EP400: variants seen among roughly 807,000 people sequenced by gnomAD.
EP400 encodes the protein E1A binding protein p400.
Under a neutral mutation model 354.1 loss-of-function variants are expected in EP400, and 105 were observed. The observed-to-expected ratio is 0.30, with a 90% CI of 0.25 to 0.35. EP400 has a LOEUF of 0.35. Among genes scored for constraint, EP400 ranks in the 10% least tolerant of loss-of-function variants. The pLI, the probability that EP400 is intolerant of heterozygous loss-of-function variation, is 1.00. For synonymous variants in EP400, 1,646 were observed against 1,716.9 expected, an observed-to-expected ratio of 0.96 and a Z score of 1.02; for missense variants, 3,280 against 4,121.0, an observed-to-expected ratio of 0.80 and a Z score of 5.59.
rs1491012443 is a variant in EP400, at chr12:132,062,580, AGC to A, written c.8214_8215del (p.Gln2739AlafsTer243). 6.2e-7 allele frequency: 1 copy of A among 1,606,846 alleles called. No homozygotes were observed. ...CAGCAGCAGCAGCAGCAGCAGCAGC[AGC>A]AGCAGCAGCAACAGCAGCAGCAGCA... On this transcript the variant is annotated frameshift_variant, in exon 47 of 53. Transcript: ENST00000389561. LOFTEE classifies it high-confidence loss of function.
chr12:131,993,077 A>G (rs540392241), intron 11 of EP400, among the ~76,000 whole-genome samples: 212 of 152,352 alleles, frequency 1.4e-3, no homozygotes, highest in African/African-American at 5.0e-3. Context: ...CTGAGGGCAC[A>G]TGGCCCAGGA....
intron 12 of EP400, among the ~76,000 whole-genome samples, chr12:131,995,925 T>C (rs1893196757): frequency 6.6e-6 from 1 of 151,588 alleles, no homozygotes; most frequent in Non-Finnish European, 1.5e-5. Flanking sequence ...GTGTGAGAAC[T>C]TCATACGAAC....
At position 131,960,965 on chromosome 12, in the gene EP400, G is replaced by A. The variant is rs1891861067; in HGVS notation, c.346G>A (p.Gly116Arg). The A allele has an allele frequency of 6.2e-7, 1 of 1,610,304 alleles. No individual in the cohort carries two copies. ...CGCTCAGCCTCGGCGGTTTGAGCAT[G>A]GGTCTCCATCATACATTCAGGTCAC... is the stretch of plus-strand genomic sequence containing the variant. ...FSAQPRRFEH[G>R]SPSYIQVTSP... is the part of the protein sequence containing the mutation. Residue 116 changes from glycine to arginine, a missense_variant, in exon 2 of 53, where the codon GGG becomes AGG. Physicochemically the swap from Gly to Arg is moderately radical, Grantham distance 125 (BLOSUM62 -2). Transcript: ENST00000389561.
intron 1 of EP400, among the ~76,000 whole-genome samples, chr12:131,951,054 C>G (rs1238151790): frequency 6.6e-6 from 1 of 151,184 alleles, no homozygotes; most frequent in African/African-American, 2.4e-5. Context: ...CGCCTGCCAC[C>G]ACGCCTGGCT....
Position 131,994,955 on chromosome 12 carries a change from A to G in EP400, c.2826A>G (p.Glu942=), listed in dbSNP as rs757691693. 1 of 1,613,804 alleles carries G rather than the reference A, an allele frequency of 6.2e-7. No homozygotes were observed. Among genetic ancestry groups the G allele is most frequent in the Non-Finnish European group, 8.5e-7 (1 of 1,179,766 alleles). The change falls in exon 12 of 53, where the codon GAA becomes GAG. Residue 942 remains glutamate (E), a splice_region_variant and synonymous_variant. Transcript: ENST00000389561. The surrounding 1 kb of genome is among the most constrained non-coding windows in gnomAD (Gnocchi z 4.6). The part of the protein sequence containing the change: ...HQTELSNLAK[E]AELPLLDLMK... ...CAGAACTTTCTAATTTAGCCAAGGAAGGTAGGCTGTTGCTACCTTATTAAA... is the reference window on the plus strand; with the variant it reads ...CAGAACTTTCTAATTTAGCCAAGGAGGGTAGGCTGTTGCTACCTTATTAAA...
At chr12:131,987,270 A>G (rs1026251160) in intron 6 of EP400, among the ~76,000 whole-genome samples, 3 of 152,238 alleles carry the variant, frequency 2.0e-5, no homozygotes, top group South Asian at 2.1e-4. Context: ...ATAGAGTGTC[A>G]TAAACCCCAT....
chr12:132,061,910 T>C (rs904064647), intron 45 of EP400, among the ~76,000 whole-genome samples, 200 bp from the exon 46 acceptor site: 1 of 151,624 alleles, frequency 6.6e-6, no homozygotes, highest in Non-Finnish European at 1.5e-5. Context: ...TGATGTGATC[T>C]GCTGGGAGAA....
At position 131,991,866 on chromosome 12, in the gene EP400, C is replaced by T. The variant is rs565395551; in HGVS notation, c.2680-307C>T. On this transcript the variant is annotated intron_variant, in intron 10 of 52. Coordinates refer to ENST00000389561, the MANE Select transcript of EP400 (RefSeq NM_015409.5). ...CCTCCCAAAGTGCTAGGATTACAGG[C>T]GTGAGCTACCGTGCCCCGCCTATTA... Among the ~76,000 whole-genome samples the T allele has an allele frequency of 7.2e-5, 11 of 152,280 alleles. No individual in the cohort carries two copies. The East Asian group carries it at 7.7e-4, about 11-fold the overall frequency.
chr12:132,029,750 G>A lies in EP400; in HGVS notation c.5431G>A (p.Val1811Met). Residue 1811 changes from valine (V) to methionine (M), a missense_variant, in exon 28 of 53, where the codon GTG becomes ATG. Around this residue, in one of 20 missense-constraint regions of EP400, gnomAD observed 459 missense variants for 496.9 expected, o/e 0.92. Transcript: ENST00000389561. This position sits in a 1 kb window ranked among gnomAD's most constrained non-coding sequence, Gnocchi z 4.7. ...GGTGGCAGCACCCCCGTCCCTACGG[G>A]TGCCGCGGCCGCCACCCCTGTACAG... is the stretch of plus-strand genomic sequence containing the variant. Reference protein sequence around the residue: ...PVVAAPPSLRVPRPPPLYSHR... With the variant: ...PVVAAPPSLRMPRPPPLYSHR... 6.2e-7 allele frequency: 1 copy of A among 1,613,336 alleles called. No individual in the cohort carries two copies. The highest frequency in any genetic ancestry group is 8.5e-7 in the Non-Finnish European group (1 of 1,180,022).
In EP400 at chr12:132,053,578, G is replaced by T; in HGVS notation, c.7709G>T (p.Gly2570Val). 6.4e-7 allele frequency: 1 copy of T among 1,564,596 alleles called. No individual in the cohort carries two copies. Among genetic ancestry groups the T allele is most frequent in the South Asian group, 1.2e-5 (1 of 86,826 alleles). ...AAGGCGCAGCCCGCAATCACGACGG[G>T]GGGCAGTGCAGCCGTACTGGTGAGC... Reference protein sequence around the residue: ...PAKAQPAITTGGSAAVLAGTI... With the variant: ...PAKAQPAITTVGSAAVLAGTI... The change falls in exon 43 of 53, where the codon GGG (glycine) becomes GTG (valine). Residue 2570 changes from glycine (G) to valine (V), a missense_variant. Gly to Val is a moderately radical substitution (Grantham distance 109, BLOSUM62 -3). Around this residue, in one of 20 missense-constraint regions of EP400, gnomAD observed 255 missense variants for 295.9 expected, o/e 0.86. Coordinates refer to ENST00000389561, the MANE Select transcript of EP400 (RefSeq NM_015409.5).
intron 5 of EP400, 110 bp from the exon 6 acceptor site, chr12:131,986,404 A>G (rs917949523): frequency 9.8e-7 from 1 of 1,025,080 alleles, no homozygotes; most frequent in Non-Finnish European, 1.4e-6. Flanking sequence ...GTGGAGCGGA[A>G]GGTGCTGGCA....
chr12:131,960,544 T>G, intron 1 of EP400, 41 bp from the exon 2 acceptor site: 3 of 1,489,600 alleles, frequency 2.0e-6, no homozygotes, highest in South Asian at 1.3e-5. Flanking sequence ...AAAACAGTTA[T>G]GTGTGCCTTC....
intron 12 of EP400, among the ~76,000 whole-genome samples, chr12:132,001,263 T>C (rs1893402045): frequency 6.6e-6 from 1 of 151,996 alleles, no homozygotes; most frequent in Non-Finnish European, 1.5e-5. Context: ...GGGTAAATAG[T>C]GTGAGTCATC....
chr12:132,018,290 A>G lies in EP400; in HGVS notation c.4191A>G (p.Lys1397=), dbSNP rs756866182. The change falls in exon 21 of 53, where the codon AAA becomes AAG. Residue 1397 remains lysine, a synonymous_variant. Transcript: ENST00000389561. This position sits in a 1 kb window ranked among gnomAD's most constrained non-coding sequence, Gnocchi z 4.0. ...TRHEAELLSK[K]KIPRKLMEEI... ...ACGAGGCAGAGTTGCTGTCTAAGAAAAAGATACCGCGGAAACTCATGGAGG... is the reference window on the plus strand; with the variant it reads ...ACGAGGCAGAGTTGCTGTCTAAGAAGAAGATACCGCGGAAACTCATGGAGG... 3.7e-6 allele frequency: 6 copies of G among 1,613,782 alleles called. No individual in the cohort carries two copies. The African/African-American group carries it at 5.3e-5, about 14-fold the overall frequency.
In EP400 at chr12:132,027,301, T is replaced by C. The variant is rs558176922; in HGVS notation, c.5015-136T>C. 355 of 826,066 alleles carry C rather than the reference T, an allele frequency of 4.3e-4. No homozygotes were observed. The highest frequency in any genetic ancestry group is 6.7e-4 in the Non-Finnish European group (330 of 495,474). The allele number at this position is 826,066 out of a possible 1,614,324, so 51.2% of individuals were successfully genotyped here. A position where few individuals can be genotyped will look rare whatever the true frequency, so the allele number is the denominator to read the frequency against. Reference sequence around the variant, plus strand: ...GCATGTGCTGGTGGAGGATGAGGACTTGGGGACATGCCGTTGCAGAATGAC... The same window carrying C: ...GCATGTGCTGGTGGAGGATGAGGACCTGGGGACATGCCGTTGCAGAATGAC... On this transcript the variant is annotated intron_variant, in intron 25 of 52. Transcript: ENST00000389561. This position sits in a 1 kb window ranked among gnomAD's most constrained non-coding sequence, Gnocchi z 4.9.
intron 29 of EP400, among the ~76,000 whole-genome samples, chr12:132,031,543 C>G (rs890777373): frequency 6.6e-6 from 1 of 152,092 alleles, no homozygotes; most frequent in Non-Finnish European, 1.5e-5. Context: ...GGAATACAAA[C>G]CAAGCAGTTT....
rs377249323 is a variant in EP400 at position 131,991,436 on chromosome 12, G to A, written c.2659G>A (p.Ala887Thr). Reference protein sequence around the residue: ...GKELRPKGFDALQESSLDSGM... With the variant: ...GKELRPKGFDTLQESSLDSGM... ...AGAATTGAGACCTAAAGGATTTGAC[G>A]CATTACAGGAAAGTTCTCTGGTAAG... The change falls in exon 10 of 53, where the codon GCA becomes ACA. Residue 887 changes from alanine to threonine, a missense_variant. Transcript: ENST00000389561. 53 of 1,614,030 alleles carry A rather than the reference G, an allele frequency of 3.3e-5. No homozygotes were observed. The highest frequency in any genetic ancestry group is 4.0e-5 in the African/African-American group (3 of 75,016).
chr12:132,025,580 G>A lies in EP400; in HGVS notation c.4856-66G>A, dbSNP rs905735305. On this transcript the variant is annotated intron_variant, in intron 24 of 52. Transcript: ENST00000389561. This position sits in a 1 kb window ranked among gnomAD's most constrained non-coding sequence, Gnocchi z 4.1. ...ACTTATTTTTGTACTGTTTGGAAGT[G>A]CCTGGAGTGTGTGGCTGTGATGTAC... 3.5e-5 allele frequency: 51 copies of A among 1,466,780 alleles called. No individual in the cohort carries two copies. In the Admixed American group the frequency reaches 1.3e-3, roughly 36 times the overall value. 90.9% of individuals were successfully genotyped at this position (1,466,780 alleles called of 1,614,324 possible).
At chr12:132,059,494 G>A (rs951956122) in intron 45 of EP400, among the ~76,000 whole-genome samples, 5 of 152,166 alleles carry the variant, frequency 3.3e-5, no homozygotes, top group African/African-American at 1.2e-4. Context: ...ATGTTCCTGG[G>A]CAGCTGACCT....
Sources: gnomAD v4.1 joint callset for allele counts (sites outside exome capture counted in the v4.1 genomes callset) on GRCh38, gnomAD v4.1.1 for gene constraint, gnomAD v4.1.1 regional missense constraint, Gnocchi (gnomAD v3.1) non-coding constraint, MANE v1.5 for transcripts, NCBI Gene and HGNC (gene_info 2026-07-23, HGNC 2026-07-21) for gene names.